ADAMTS9: variants seen among roughly 807,000 people sequenced by gnomAD.
ADAMTS9 encodes A disintegrin and metalloproteinase with thrombospondin motifs 9.
In ADAMTS9, 107 loss-of-function variants were observed where a neutral mutation model predicts 257.1. The observed-to-expected ratio is 0.42, with a 90% CI of 0.36 to 0.49. The LOEUF is 0.49. Among genes scored for constraint, ADAMTS9 ranks in the 20% least tolerant of loss-of-function variants. The probability of loss-of-function intolerance (pLI) is 0.03; values close to 1 mark genes in which losing one functional copy is unlikely to be tolerated. For missense variants in ADAMTS9, 2,353 were observed against 2,469.1 expected, an observed-to-expected ratio of 0.95 and a Z score of 1.00; for synonymous variants, 982 against 880.9, an observed-to-expected ratio of 1.11 and a Z score of -2.03.
At chr3:64,621,371 G>T in intron 18 of ADAMTS9, 131 bp from the exon 19 acceptor site, 3 of 1,096,788 alleles carry the variant, frequency 2.7e-6, no homozygotes, top group Non-Finnish European at 3.9e-6. Flanking sequence ...GATCTCTGTT[G>T]CACTATTCAA....
At chr3:64,605,221 G>A (rs899303443) in intron 23 of ADAMTS9, among the ~76,000 whole-genome samples, 49 of 152,258 alleles carry the variant, frequency 3.2e-4, no homozygotes, top group Middle Eastern at 3.4e-3. Context: ...ATACTGCAAT[G>A]GTGGGAGCCA....
At chr3:64,612,124 A>G (rs2084675281) in intron 22 of ADAMTS9, among the ~76,000 whole-genome samples, 1 of 152,192 alleles carries the variant, frequency 6.6e-6, no homozygotes, top group Admixed American at 6.5e-5. Context: ...ACATTTTGCA[A>G]AATTTCTCTT....
At chr3:64,555,899 C>T (rs2083326868) in intron 30 of ADAMTS9, among the ~76,000 whole-genome samples, 1 of 152,110 alleles carries the variant, frequency 6.6e-6, no homozygotes, top group African/African-American at 2.4e-5. Flanking sequence ...TAGAGCATCC[C>T]TAATGCCTAA....
intron 28 of ADAMTS9, among the ~76,000 whole-genome samples, chr3:64,569,224 A>G (rs1429187282): frequency 1.3e-5 from 2 of 152,214 alleles, no homozygotes; most frequent in African/African-American, 2.4e-5. Flanking sequence ...TAGGAATCAA[A>G]GTGCCCATGG....
intron 28 of ADAMTS9, chr3:64,587,797 C>T (rs1234065325): frequency 1.3e-5 from 2 of 152,076 alleles, no homozygotes; most frequent in Non-Finnish European, 2.9e-5. Context: ...TGACAATGAT[C>T]CCACTTTAGA....
chr3:64,629,669 A>G (rs1274254663), intron 16 of ADAMTS9, among the ~76,000 whole-genome samples: 4 of 152,226 alleles, frequency 2.6e-5, no homozygotes, highest in African/African-American at 4.8e-5. Context: ...CTATCAGGTT[A>G]CTGTTTATTG....
At chr3:64,517,448 G>A (rs1001372593) in intron 39 of ADAMTS9, among the ~76,000 whole-genome samples, 1 of 22,310 alleles carries the variant, frequency 4.5e-5, no homozygotes, top group Non-Finnish European at 1.8e-4. Flanking sequence ...TTGCAGAAAT[G>A]GGAGTCTCAC....
At chr3:64,518,764 A>ATTTTTTT (rs61286740) in intron 39 of ADAMTS9, among the ~76,000 whole-genome samples, 2 of 65,292 alleles carry the variant, frequency 3.1e-5, no homozygotes, top group African/African-American at 9.9e-5. Flanking sequence ...TTACCTTTTC[A>ATTTTTTT]TTTTTTTTTT....
At chr3:64,534,019 G>T (rs1326507086) in intron 37 of ADAMTS9, among the ~76,000 whole-genome samples, 1 of 152,098 alleles carries the variant, frequency 6.6e-6, no homozygotes, top group East Asian at 1.9e-4. Flanking sequence ...AAAATGACTC[G>T]CAAAGGCATC....
At chr3:64,589,930 C>G (rs1360845030) in intron 28 of ADAMTS9, 1 of 152,124 alleles carries the variant, frequency 6.6e-6, no homozygotes, top group Non-Finnish European at 1.5e-5. Context: ...TCTGAACACA[C>G]AGAATAAAGT....
chr3:64,536,082 G>T (rs1238925675), intron 37 of ADAMTS9, among the ~76,000 whole-genome samples: 1 of 152,116 alleles, frequency 6.6e-6, no homozygotes, highest in Admixed American at 6.6e-5. Context: ...TCTGGACAAT[G>T]CCCCCAGCCG....
At chr3:64,534,471 C>A (rs1271926193) in intron 37 of ADAMTS9, among the ~76,000 whole-genome samples, 1 of 152,126 alleles carries the variant, frequency 6.6e-6, no homozygotes, top group Non-Finnish European at 1.5e-5. Flanking sequence ...GAGAGCAGGG[C>A]CTTACTATTG....
At chr3:64,600,289 G>A (rs917066606) in intron 26 of ADAMTS9, among the ~76,000 whole-genome samples, 4 of 152,076 alleles carry the variant, frequency 2.6e-5, no homozygotes, top group Non-Finnish European at 1.5e-5. Context: ...TCATCTTCCT[G>A]GGAGCAGGTC....
In ADAMTS9 at chr3:64,622,290, C is replaced by T. The variant is rs1188539097; in HGVS notation, c.2594G>A (p.Arg865His). The T allele has an allele frequency of 1.9e-6, 3 of 1,613,628 alleles. No individual in the cohort carries two copies. Among genetic ancestry groups the T allele is most frequent in the East Asian group, 2.2e-5 (1 of 44,836 alleles). The change falls in exon 18 of 40, where the codon CGC (arginine) becomes CAC (histidine). Residue 865 changes from arginine (R) to histidine (H), a missense_variant. Arg to His is a conservative substitution (Grantham distance 29). This residue lies in a region of ADAMTS9 where 1,402 missense variants were observed against 1,441.4 expected (regional missense o/e 0.97). Coordinates refer to ENST00000498707, the MANE Select transcript of ADAMTS9 (RefSeq NM_182920.2). Reference protein sequence around the residue: ...SVGKLYNPDVRYSFNIPIEDK... With the variant: ...SVGKLYNPDVHYSFNIPIEDK... Reference sequence around the variant, plus strand: ...TTCAATTGGAATATTGAAAGAATAGCGTACATCGGGGTTGTACAACTTTCC... The same window carrying T: ...TTCAATTGGAATATTGAAAGAATAGTGTACATCGGGGTTGTACAACTTTCC...
chr3:64,633,519 G>A lies in ADAMTS9; in HGVS notation c.2128C>T (p.Pro710Ser), dbSNP rs758314114. The A allele has an allele frequency of 1.2e-6, 2 of 1,614,084 alleles. No homozygotes were observed. The highest frequency in any genetic ancestry group is 1.1e-5 in the South Asian group (1 of 91,084). ...QLRDRVIDGT[P>S]CGQDTNDICV... ...ATATCATTTGTGTCCTGGCCACAAG[G>A]AGTTCCATCTATCACTCTGTCTCGA... The change falls in exon 14 of 40, where the codon CCT (proline) becomes TCT (serine). Residue 710 changes from proline (P) to serine (S), a missense_variant. Transcript: ENST00000498707.
At chr3:64,664,646 A>G (rs1022476023) in intron 3 of ADAMTS9, among the ~76,000 whole-genome samples, 4 of 152,324 alleles carry the variant, frequency 2.6e-5, no homozygotes, top group East Asian at 3.9e-4. Flanking sequence ...CTGTATGGAT[A>G]TACCACATAA....
intron 3 of ADAMTS9, among the ~76,000 whole-genome samples, chr3:64,662,934 A>G (rs1701259901): frequency 6.6e-6 from 1 of 152,136 alleles, no homozygotes; most frequent in Admixed American, 6.6e-5. Flanking sequence ...AAAACTATGG[A>G]ATAAAATTGC....
chr3:64,592,287 A>T (rs554935631), intron 28 of ADAMTS9: 19 of 152,290 alleles, frequency 1.2e-4, no homozygotes, highest in Admixed American at 2.6e-4. Context: ...AGGCAGCAAA[A>T]TGATTTTAAA....
intron 30 of ADAMTS9, among the ~76,000 whole-genome samples, chr3:64,556,512 G>A (rs1176618298): frequency 6.6e-6 from 1 of 152,118 alleles, no homozygotes; most frequent in Non-Finnish European, 1.5e-5. Context: ...TGTAGAGATG[G>A]AGTCTCACTA....
Sources: allele counts gnomAD v4.1 joint callset (sites outside exome capture counted in the v4.1 genomes callset), GRCh38; gene constraint gnomAD v4.1.1; regional missense constraint gnomAD v4.1.1; transcripts MANE v1.5; gene names NCBI Gene and HGNC (gene_info 2026-07-23, HGNC 2026-07-21).